Variants in MCM6 observed in about 807,000 individuals in gnomAD.
The protein encoded by MCM6 is DNA replication licensing factor MCM6.
In MCM6, 46 loss-of-function variants were observed where a neutral mutation model predicts 94.3. That is an observed-to-expected ratio of 0.49 (90% confidence interval 0.39 to 0.62). The LOEUF is 0.62. Ranked by LOEUF, MCM6 falls within the 20% of genes least tolerant of loss-of-function variation. MCM6 has a pLI of 0.00. For missense variants in MCM6, 865 were observed against 1,017.9 expected (o/e 0.85, Z 2.04); for synonymous variants, 335 against 351.9 (o/e 0.95, Z 0.54).
chr2:135,852,652 G>GAAA (rs368127110), intron 12 of MCM6, 135 bp downstream of exon 12: 28 of 472,902 alleles, frequency 5.9e-5, no homozygotes, highest in Middle Eastern at 6.3e-4. Flanking sequence ...TGCTGTTCCA[G>GAAA]AAAAAAAAAA....
At chr2:135,857,550 GTCATACT>G (rs1477033726) in intron 10 of MCM6, among the ~76,000 whole-genome samples, 1 of 151,954 alleles carries the variant, frequency 6.6e-6, no homozygotes, top group African/African-American at 2.4e-5. Context: ...TGGTTATACT[GTCATACT>G]TATTTTCATT....
chr2:135,848,756 A>T (rs1184914717), intron 13 of MCM6, among the ~76,000 whole-genome samples: 1 of 152,104 alleles, frequency 6.6e-6, no homozygotes, highest in South Asian at 2.1e-4. Context: ...ATGGTGGCAC[A>T]TGCCTGTAAT....
chr2:135,846,804 G>A (rs542438360), intron 14 of MCM6, among the ~76,000 whole-genome samples: 12 of 152,270 alleles, frequency 7.9e-5, no homozygotes, highest in African/African-American at 2.2e-4. Context: ...AGGAGTTTGA[G>A]ACCAGCCTGG....
rs1438525822 is a variant in MCM6, at chr2:135,868,661, T to C, written c.565A>G (p.Arg189Gly). The C allele has an allele frequency of 6.2e-7, 1 of 1,614,074 alleles. No homozygotes were observed. Among genetic ancestry groups the C allele is most frequent in the Admixed American group, 1.7e-5 (1 of 60,006 alleles). The change falls in exon 4 of 17, where the codon AGG becomes GGG. Residue 189 changes from arginine (R) to glycine (G), a missense_variant. Physicochemically the swap from Arg to Gly is moderately radical, Grantham distance 125. This residue lies in a region of MCM6 where 404 missense variants were observed against 451.9 expected (regional missense o/e 0.89). Transcript: ENST00000264156. ...ICRNPVCANR[R>G]RFLLDTNKSR... is the part of the protein sequence containing the mutation. The stretch of plus-strand genomic sequence containing the variant: ...TTATTTGTATCCAGTAAGAATCTCC[T>C]CCTGTTGGCACAAACTGGATTTCGG...
intron 4 of MCM6, 59 bp from the exon 5 acceptor site, chr2:135,866,787 T>A: frequency 7.2e-7 from 1 of 1,380,400 alleles, no homozygotes; most frequent in Non-Finnish European, 9.9e-7. Context: ...AGATGCCATA[T>A]AATCTAAATT....
chr2:135,857,211 A>G (rs1558758640), intron 10 of MCM6, among the ~76,000 whole-genome samples: 1 of 152,252 alleles, frequency 6.6e-6, no homozygotes, highest in Non-Finnish European at 1.5e-5. Flanking sequence ...GCTGTGGTAT[A>G]CACAATTGAA....
chr2:135,850,063 T>C (rs1171195142), intron 13 of MCM6, among the ~76,000 whole-genome samples: 1 of 152,170 alleles, frequency 6.6e-6, no homozygotes, highest in Non-Finnish European at 1.5e-5. Context: ...CTAAGACATG[T>C]ACCAGTTTTA....
At position 135,846,202 on chromosome 2, in the gene MCM6, G is replaced by T; in HGVS notation, c.2209+35C>A. On this transcript the variant is annotated intron_variant, in intron 15 of 16. Coordinates refer to ENST00000264156, the MANE Select transcript of MCM6 (RefSeq NM_005915.6). ...CTATGTGAACAGAGCTTACAGAAGT[G>T]ACCGAGCATGTAAGCAGTACCAGGT... 3.1e-6 allele frequency: 5 copies of T among 1,608,752 alleles called. No homozygotes were observed. The South Asian group carries it at 5.5e-5, about 18-fold the overall frequency.
chr2:135,870,823 T>G (rs868614668), intron 2 of MCM6, among the ~76,000 whole-genome samples: 3 of 152,198 alleles, frequency 2.0e-5, no homozygotes, highest in African/African-American at 7.2e-5. Flanking sequence ...CACAGCTCAC[T>G]GCAGCCTCAA....
chr2:135,843,146 G>C (rs1679605067), intron 16 of MCM6, among the ~76,000 whole-genome samples: 1 of 152,176 alleles, frequency 6.6e-6, no homozygotes, highest in African/African-American at 2.4e-5. Flanking sequence ...GAGCTGTGAG[G>C]GGAGAGTGGA....
chr2:135,864,901 AC>A lies in MCM6; in HGVS notation c.1078+111del, dbSNP rs1297579355. On this transcript the variant is annotated intron_variant, in intron 7 of 16. Coordinates refer to ENST00000264156, the MANE Select transcript of MCM6 (RefSeq NM_005915.6). ...TCCTTTTGTAAATGACCTCTTTCAG[AC>A]CCACTAAAAACTTTCACAGTCTGAT... 113 of 739,950 alleles carry A rather than the reference AC, an allele frequency of 1.5e-4. 1 individual carries two copies. Among genetic ancestry groups the A allele is most frequent in the Non-Finnish European group, 2.0e-4 (98 of 497,946 alleles). The allele number at this position is 739,950 out of a possible 1,614,324, so 45.8% of individuals were successfully genotyped here.
intron 15 of MCM6, among the ~76,000 whole-genome samples, chr2:135,845,830 G>T (rs1461411638): frequency 3.9e-5 from 6 of 152,134 alleles, no homozygotes; most frequent in Admixed American, 3.9e-4. Context: ...GTCTGCAATG[G>T]CCTTTTGATA....
At chr2:135,858,886 G>GA (rs1679938390) in intron 9 of MCM6, among the ~76,000 whole-genome samples, 1 of 104,334 alleles carries the variant, frequency 9.6e-6, no homozygotes, top group Non-Finnish European at 3.0e-5. Flanking sequence ...AAGAATGCTG[G>GA]GTTTTTTTTG....
intron 13 of MCM6, among the ~76,000 whole-genome samples, chr2:135,849,288 G>GT (rs1475772200): frequency 2.0e-5 from 3 of 152,272 alleles, no homozygotes; most frequent in East Asian, 1.9e-4. Flanking sequence ...TCATGAAAGC[G>GT]TATGTCAAGA....
At chr2:135,867,007 T>TG (rs1491144270) in intron 4 of MCM6, among the ~76,000 whole-genome samples, 7 of 152,112 alleles carry the variant, frequency 4.6e-5, no homozygotes, top group Non-Finnish European at 8.8e-5. Flanking sequence ...TAAAAAATAA[T>TG]TTTTTTCTTT....
intron 2 of MCM6, 41 bp downstream of exon 2, chr2:135,872,656 T>C: frequency 6.2e-7 from 1 of 1,601,140 alleles, no homozygotes; most frequent in Non-Finnish European, 8.5e-7. Flanking sequence ...TTCCCGGATT[T>C]CAACCCCTAT....
rs1679551310 is a variant in MCM6 at position 135,840,659 on chromosome 2, G to A, written c.*176C>T. On this transcript the variant is annotated 3_prime_UTR_variant, in exon 17 of 17. Transcript: ENST00000264156. ...GAAGTGCTGAAGCCTGTGTTGGTAT[G>A]AAACCTGTGATGAATGTGACACATA... 11 of 572,862 alleles carry A rather than the reference G, an allele frequency of 1.9e-5. No homozygotes were observed. The South Asian group carries it at 2.1e-4, about 11-fold the overall frequency. 35.5% of individuals were successfully genotyped at this position (572,862 alleles called of 1,614,324 possible).
chr2:135,862,849 G>A, intron 7 of MCM6, 101 bp from the exon 8 acceptor site: 1 of 1,273,034 alleles, frequency 7.9e-7, no homozygotes, highest in Non-Finnish European at 1.1e-6. Flanking sequence ...CCGAAAGGCA[G>A]AGTCAGCTAA....
intron 11 of MCM6, among the ~76,000 whole-genome samples, chr2:135,855,466 G>T (rs537779598): frequency 6.6e-6 from 1 of 152,206 alleles, no homozygotes; most frequent in African/African-American, 2.4e-5. Flanking sequence ...AAGAGTTCAA[G>T]ACCAACACGG....
Sources: gnomAD v4.1 joint callset for allele counts (sites outside exome capture counted in the v4.1 genomes callset) on GRCh38, gnomAD v4.1.1 for gene constraint, gnomAD v4.1.1 regional missense constraint, MANE v1.5 for transcripts, NCBI Gene and HGNC (gene_info 2026-07-23, HGNC 2026-07-21) for gene names.